KRT72: variants seen among roughly 807,000 people sequenced by gnomAD.
KRT72 encodes the protein keratin 72.
KRT72 carries 44 observed loss-of-function variants against 44.7 expected under a neutral mutation model. The observed-to-expected ratio is 0.98, with a 90% CI of 0.77 to 1.27. The LOEUF (loss-of-function observed/expected upper bound fraction) is 1.27, where lower values mean the gene tolerates loss of function less well. KRT72 is among the 50% of genes most tolerant of loss of function. The pLI, the probability that KRT72 is intolerant of heterozygous loss-of-function variation, is 0.00. For synonymous variants in KRT72, 302 were observed against 280.4 expected (o/e 1.08, Z -0.77); for missense variants, 736 against 667.1 (o/e 1.10, Z -1.14).
At chr12:52,590,744 A>G (rs1381471579) in intron 6 of KRT72, 92 bp downstream of exon 6, 2 of 1,265,300 alleles carry the variant, frequency 1.6e-6, no homozygotes, top group Non-Finnish European at 2.2e-6. Context: ...GGCCCTAAGG[A>G]GGGCACTGTG....
At chr12:52,593,984 T>C (rs948965688) in intron 2 of KRT72, among the ~76,000 whole-genome samples, 26 of 152,328 alleles carry the variant, frequency 1.7e-4, no homozygotes, top group Non-Finnish European at 1.3e-4. Flanking sequence ...ACATTATGAA[T>C]GTATTTGATA....
chr12:52,592,845 G>A, intron 3 of KRT72, 47 bp downstream of exon 3: 2 of 1,538,490 alleles, frequency 1.3e-6, no homozygotes, highest in Non-Finnish European at 1.8e-6. Flanking sequence ...CATTGTGCCA[G>A]GTGGTCAGGT....
intron 2 of KRT72, among the ~76,000 whole-genome samples, chr12:52,593,596 C>T (rs589284): frequency 0.015 from 2,277 of 151,850 alleles, 50 homozygotes; most frequent in African/African-American, 0.052. Context: ...AGTATGGTAA[C>T]GAAATAGAGC....
At chr12:52,588,834 A>G (rs181913563) in intron 6 of KRT72, among the ~76,000 whole-genome samples, 35 of 152,198 alleles carry the variant, frequency 2.3e-4, no homozygotes, top group Admixed American at 2.2e-3. Flanking sequence ...CGTCTCTACT[A>G]AAAACACAAA....
intron 2 of KRT72, among the ~76,000 whole-genome samples, chr12:52,596,989 G>C (rs1940248148): frequency 6.6e-6 from 1 of 152,184 alleles, no homozygotes; most frequent in African/African-American, 2.4e-5. Context: ...CAAGGTAAAA[G>C]TTATGATTTT....
At chr12:52,594,785 A>C (rs544115842) in intron 2 of KRT72, among the ~76,000 whole-genome samples, 1 of 152,234 alleles carries the variant, frequency 6.6e-6, no homozygotes, top group Admixed American at 6.5e-5. Flanking sequence ...ATGGCTGAGC[A>C]GTGCAGGGTA....
At chr12:52,593,107 C>A (rs1001199270) in intron 2 of KRT72, among the ~76,000 whole-genome samples, 155 bp from the exon 3 acceptor site, 2 of 152,190 alleles carry the variant, frequency 1.3e-5, no homozygotes, top group Non-Finnish European at 2.9e-5. Context: ...AGGATGCAGG[C>A]AAGGACATAG....
rs1939985478 is a variant in KRT72 at position 52,590,919 on chromosome 12, G to C, written c.1006C>G (p.Leu336Val). ...QVTAGQHGDDLKLTKAEISEL... is the reference protein window; with the variant it reads ...QVTAGQHGDDVKLTKAEISEL... ...GAGATTTCAGCCTTGGTGAGCTTGA[G>C]GTCATCCCCATGCTGGCCTGCTGTG... The change falls in exon 6 of 9, where the codon CTC (leucine) becomes GTC (valine). Residue 336 changes from leucine (L) to valine (V), a missense_variant. Coordinates refer to ENST00000293745, the MANE Select transcript of KRT72 (RefSeq NM_080747.3). The C allele has an allele frequency of 1.2e-6, 2 of 1,607,742 alleles. No individual in the cohort carries two copies. Among genetic ancestry groups the C allele is most frequent in the South Asian group, 2.2e-5 (2 of 90,064 alleles).
At chr12:52,596,607 G>A (rs189089165) in intron 2 of KRT72, among the ~76,000 whole-genome samples, 245 of 150,092 alleles carry the variant, frequency 1.6e-3, no homozygotes, top group African/African-American at 4.0e-3. Context: ...ACTGGAGTGC[G>A]GTGGCTTGAT....
rs1227736532 is a variant in KRT72, at chr12:52,591,548, G to T, written c.879C>A (p.Asp293Glu). ...GGGCACGGACCTCGGCAATGATGCT[G>T]TCCAGGTCCAGATCCCGGTTGTTGT... ...SMDNNRDLDL[D>E]SIIAEVRAQY... Residue 293 changes from aspartate (D) to glutamate (E), a missense_variant, in exon 5 of 9, where the codon GAC becomes GAA. Asp to Glu is a conservative substitution (Grantham distance 45, BLOSUM62 2). Transcript: ENST00000293745. 1 of 1,613,934 alleles carries T rather than the reference G, an allele frequency of 6.2e-7. No individual in the cohort carries two copies. The highest frequency in any genetic ancestry group is 8.5e-7 in the Non-Finnish European group (1 of 1,179,934).
In KRT72 at chr12:52,591,509, A is replaced by T; in HGVS notation, c.918T>A (p.Ile306=). Reference sequence around the variant, plus strand: ...CAGCCTCGGCCTTGCTCTTTAGGGCAATCTCCTCGTACTGGGCACGGACCT... The same window carrying T: ...CAGCCTCGGCCTTGCTCTTTAGGGCTATCTCCTCGTACTGGGCACGGACCT... ...IAEVRAQYEE[I]ALKSKAEAET... is the part of the protein sequence containing the mutation. The change falls in exon 5 of 9, where the codon ATT becomes ATA. Residue 306 remains isoleucine (I), a synonymous_variant. Coordinates refer to ENST00000293745, the MANE Select transcript of KRT72 (RefSeq NM_080747.3). The T allele has an allele frequency of 6.2e-7, 1 of 1,613,750 alleles. No homozygotes were observed. Among genetic ancestry groups the T allele is most frequent in the Non-Finnish European group, 8.5e-7 (1 of 1,179,832 alleles).
At position 52,590,825 on chromosome 12, in the gene KRT72, A is replaced by G; in HGVS notation, c.1089+11T>C. 1 of 1,565,058 alleles carries G rather than the reference A, an allele frequency of 6.4e-7. No homozygotes were observed. Among genetic ancestry groups the G allele is most frequent in the Non-Finnish European group, 8.7e-7 (1 of 1,146,584 alleles). On this transcript the variant is annotated intron_variant, in intron 6 of 8. Transcript: ENST00000293745. Reference sequence around the variant, plus strand: ...TAAATACTGTTAGTGGATTAATTTCATAGAACCCACCTGCTTCTTCACATT... The same window carrying G: ...TAAATACTGTTAGTGGATTAATTTCGTAGAACCCACCTGCTTCTTCACATT...
At position 52,592,489 on chromosome 12, in the gene KRT72, G is replaced by A. The variant is rs12315878; in HGVS notation, c.705C>T (p.Asp235=). Residue 235 remains aspartate, a splice_region_variant and synonymous_variant, in exon 4 of 9, where the codon GAC becomes GAT. Transcript: ENST00000293745. Reference sequence around the variant, plus strand: ...CCTTATTCATGTAAGCAGCATCCACGTCCTGGGAGCACATGATAGTCAAGC... The same window carrying A: ...CCTTATTCATGTAAGCAGCATCCACATCCTGGGAGCACATGATAGTCAAGC... ...AENEFVVLKK[D]VDAAYMNKVE... 5,786 of 1,613,380 alleles carry A rather than the reference G, an allele frequency of 3.6e-3. 194 individuals are homozygous for A. The African/African-American group carries it at 0.069, about 19-fold the overall frequency.
At chr12:52,594,852 T>C (rs1455369317) in intron 2 of KRT72, among the ~76,000 whole-genome samples, 1 of 152,264 alleles carries the variant, frequency 6.6e-6, no homozygotes, top group Non-Finnish European at 1.5e-5. Context: ...CAGATCTTTC[T>C]AGTTATGCTA....
chr12:52,585,729 G>A lies in KRT72; in HGVS notation c.*253C>T, dbSNP rs1939710003. 1 of 460,454 alleles carries A rather than the reference G, an allele frequency of 2.2e-6. No individual in the cohort carries two copies. Among genetic ancestry groups the A allele is most frequent in the Non-Finnish European group, 3.9e-6 (1 of 256,948 alleles). The allele number at this position is 460,454 out of a possible 1,614,324, so 28.5% of individuals were successfully genotyped here. A position where few individuals can be genotyped will look rare whatever the true frequency, so the allele number is the denominator to read the frequency against. On this transcript the variant is annotated 3_prime_UTR_variant, in exon 9 of 9. Coordinates refer to ENST00000293745, the MANE Select transcript of KRT72 (RefSeq NM_080747.3). ...GTAGCTGGCCTTGGGGAAACATCCTGGGTAAGTGTTGTCTTTGCATTTCAG... is the reference window on the plus strand; with the variant it reads ...GTAGCTGGCCTTGGGGAAACATCCTAGGTAAGTGTTGTCTTTGCATTTCAG...
At chr12:52,602,937 G>A (rs998002611), upstream of KRT72, among the ~76,000 whole-genome samples, 8 of 152,120 alleles carry the variant, frequency 5.3e-5, no homozygotes, top group East Asian at 1.9e-4. Flanking sequence ...AGATGGCACC[G>A]ATCACAGATG....
intron 6 of KRT72, among the ~76,000 whole-genome samples, chr12:52,588,634 T>C (rs993408763): frequency 6.6e-6 from 1 of 152,200 alleles, no homozygotes; most frequent in Admixed American, 6.5e-5. Context: ...TTTACCTATG[T>C]AACAAACCTG....
chr12:52,591,562 C>G lies in KRT72; in HGVS notation c.865G>C (p.Asp289His). The G allele has an allele frequency of 6.2e-7, 1 of 1,614,030 alleles. No homozygotes were observed. ...GCAATGATGCTGTCCAGGTCCAGATCCCGGTTGTTGTCCATTGACAGGACG... is the reference window on the plus strand; with the variant it reads ...GCAATGATGCTGTCCAGGTCCAGATGCCGGTTGTTGTCCATTGACAGGACG... The part of the protein sequence containing the change: ...SIVLSMDNNR[D>H]LDLDSIIAEV... The change falls in exon 5 of 9, where the codon GAT becomes CAT. Residue 289 changes from aspartate to histidine, a missense_variant. Asp to His is a moderately conservative substitution (Grantham distance 81). Transcript: ENST00000293745.
chr12:52,587,740 C>T lies in KRT72; in HGVS notation c.1201G>A (p.Glu401Lys), dbSNP rs758159396. The stretch of plus-strand genomic sequence containing the variant: ...TCACGCAGCATCCGTGCCAGCTCCT[C>T]CTTGGCCTGGTGCAGGGCGCCCTCC... The part of the protein sequence containing the change: ...ELEGALHQAK[E>K]ELARMLREYQ... The change falls in exon 7 of 9, where the codon GAG (glutamate) becomes AAG (lysine). Residue 401 changes from glutamate to lysine, a missense_variant. By Grantham distance (56) the Glu-to-Lys change is moderately conservative. Transcript: ENST00000293745. 1.2e-6 allele frequency: 2 copies of T among 1,614,098 alleles called. No individual in the cohort carries two copies. Among genetic ancestry groups the T allele is most frequent in the African/African-American group, 2.7e-5 (2 of 74,942 alleles).
Sources: gnomAD v4.1 joint callset for allele counts (sites outside exome capture counted in the v4.1 genomes callset) on GRCh38, gnomAD v4.1.1 for gene constraint, MANE v1.5 for transcripts, NCBI Gene and HGNC (gene_info 2026-07-23, HGNC 2026-07-21) for gene names.